Variants in HDAC9 observed in about 807,000 individuals in gnomAD.
The protein encoded by HDAC9 is MEF-2 interacting transcription repressor (MITR) protein.
Under a neutral mutation model 139.4 loss-of-function variants are expected in HDAC9, and 41 were observed. That is an observed-to-expected ratio of 0.29 (90% CI 0.23 to 0.38). HDAC9 has a LOEUF of 0.38. HDAC9 is among the 10% of genes least tolerant of loss of function. The pLI is 1.00. For synonymous variants in HDAC9, 517 were observed against 476.2 expected (o/e 1.09, Z -1.12); for missense variants, 1,147 against 1,297.0 (o/e 0.88, Z 1.78).
chr7:18,317,662 A>G (rs1157172323), intron 1 of HDAC9, among the ~76,000 whole-genome samples: 2 of 152,132 alleles, frequency 1.3e-5, no homozygotes, highest in African/African-American at 2.4e-5. Context: ...GATAACTGCT[A>G]AATCAACTGC....
intron 2 of HDAC9, among the ~76,000 whole-genome samples, chr7:18,276,244 C>A (rs1037403328): frequency 3.9e-5 from 6 of 151,992 alleles, no homozygotes; most frequent in Non-Finnish European, 7.4e-5. Flanking sequence ...TAATGGTAGG[C>A]CAGGTGTGCA....
chr7:18,213,507 A>G (rs1584669051), intron 2 of HDAC9, among the ~76,000 whole-genome samples: 1 of 152,002 alleles, frequency 6.6e-6, no homozygotes, highest in South Asian at 2.1e-4. Flanking sequence ...TTCTTTTATG[A>G]TCGTATTCTT....
chr7:18,753,459 A>T (rs1788617863), intron 14 of HDAC9, among the ~76,000 whole-genome samples: 2 of 152,010 alleles, frequency 1.3e-5, no homozygotes, highest in Non-Finnish European at 2.9e-5. Context: ...TTCTTTGTTT[A>T]TTGGGGTTAC....
chr7:18,390,084 ACACACACACACG>A (rs1277086229), intron 1 of HDAC9, among the ~76,000 whole-genome samples: 1 of 149,964 alleles, frequency 6.7e-6, no homozygotes, highest in African/African-American at 2.5e-5. Flanking sequence ...ACACACACAC[ACACACACACACG>A]TCGTAGAGAA....
chr7:18,903,529 T>C (rs566698070), intron 22 of HDAC9, among the ~76,000 whole-genome samples: 2 of 152,338 alleles, frequency 1.3e-5, no homozygotes, highest in South Asian at 4.1e-4. Context: ...AGAGTTTCTG[T>C]TTTTAGCTTC....
At chr7:18,856,653 T>C (rs902106044) in intron 21 of HDAC9, among the ~76,000 whole-genome samples, 1 of 152,188 alleles carries the variant, frequency 6.6e-6, no homozygotes, top group African/African-American at 2.4e-5. Flanking sequence ...CTTCCCTTAA[T>C]TTCAGTTTAT....
At chr7:18,604,531 C>G (rs941674939) in intron 6 of HDAC9, among the ~76,000 whole-genome samples, 1 of 151,764 alleles carries the variant, frequency 6.6e-6, no homozygotes, top group African/African-American at 2.4e-5. Context: ...CTCAGCCTCC[C>G]GAGAAGCTGG....
intron 1 of HDAC9, among the ~76,000 whole-genome samples, chr7:18,434,138 A>G (rs1790948701): frequency 6.6e-6 from 1 of 152,214 alleles, no homozygotes; most frequent in Admixed American, 6.5e-5. Context: ...GATCTTTGGC[A>G]AAGTTGACAA....
At chr7:18,175,777 C>T (rs905585555) in intron 2 of HDAC9, among the ~76,000 whole-genome samples, 1 of 142,678 alleles carries the variant, frequency 7.0e-6, no homozygotes, top group East Asian at 2.3e-4. Flanking sequence ...AACCCCCCCC[C>T]CCCTTTTTTT....
At chr7:18,695,324 T>C (rs1246330072) in intron 12 of HDAC9, among the ~76,000 whole-genome samples, 3 of 152,218 alleles carry the variant, frequency 2.0e-5, no homozygotes, top group Non-Finnish European at 4.4e-5. Context: ...GAGGGAATAT[T>C]GGAATCATGT....
intron 14 of HDAC9, among the ~76,000 whole-genome samples, chr7:18,751,576 T>C (rs1233403219): frequency 6.6e-6 from 1 of 152,070 alleles, no homozygotes; most frequent in Non-Finnish European, 1.5e-5. Context: ...CTTTATGAAA[T>C]TATGAGATGC....
At chr7:18,848,021 G>GATC (rs1797024693) in intron 21 of HDAC9, among the ~76,000 whole-genome samples, 1 of 152,150 alleles carries the variant, frequency 6.6e-6, no homozygotes, top group Non-Finnish European at 1.5e-5. Context: ...TTTCATCCAT[G>GATC]ATCCTGCTAA....
chr7:18,824,090 C>CAAGAACAAG (rs1795227949), intron 17 of HDAC9, among the ~76,000 whole-genome samples: 2 of 123,190 alleles, frequency 1.6e-5, no homozygotes, highest in African/African-American at 6.0e-5. Flanking sequence ...AGAAGAAGAA[C>CAAGAACAAG]AAGAACAAGA....
chr7:18,446,909 T>A (rs1169970803), intron 1 of HDAC9, among the ~76,000 whole-genome samples: 2 of 152,324 alleles, frequency 1.3e-5, no homozygotes, highest in Non-Finnish European at 2.9e-5. Flanking sequence ...GATATTTAGT[T>A]TCTCTAAAAT....
chr7:18,440,312 G>T (rs1428512726), intron 1 of HDAC9, among the ~76,000 whole-genome samples: 1 of 151,578 alleles, frequency 6.6e-6, no homozygotes, highest in African/African-American at 2.4e-5. Context: ...AGCCTCCCGA[G>T]TACCTGGGAT....
chr7:18,180,388 T>C (rs952782565), intron 2 of HDAC9, among the ~76,000 whole-genome samples: 1 of 152,168 alleles, frequency 6.6e-6, no homozygotes, highest in Non-Finnish European at 1.5e-5. Flanking sequence ...GTTTTGTCAT[T>C]TTTGTCAAGT....
intron 2 of HDAC9, among the ~76,000 whole-genome samples, chr7:18,224,176 C>T (rs1046427835): frequency 5.9e-5 from 9 of 152,126 alleles, no homozygotes; most frequent in Admixed American, 3.3e-4. Context: ...CATGTTAAAT[C>T]ATTACTGTTT....
intron 1 of HDAC9, among the ~76,000 whole-genome samples, chr7:18,390,403 C>T (rs1054246710): frequency 9.2e-5 from 14 of 152,056 alleles, no homozygotes; most frequent in Admixed American, 7.2e-4. Context: ...ACCATTGGTT[C>T]CTAGAAACCC....
intron 1 of HDAC9, among the ~76,000 whole-genome samples, chr7:18,104,067 G>T (rs1286560088): frequency 1.3e-5 from 2 of 152,114 alleles, no homozygotes; most frequent in South Asian, 2.1e-4. Flanking sequence ...CACAGCTTTG[G>T]GATGTGGGAG....
Sources: gnomAD v4.1 joint callset for allele counts (sites outside exome capture counted in the v4.1 genomes callset) on GRCh38, gnomAD v4.1.1 for gene constraint, MANE v1.5 for transcripts, NCBI Gene and HGNC (gene_info 2026-07-23, HGNC 2026-07-21) for gene names.